The following FMO4 variants were observed in gnomAD, a reference collection of about 807,000 sequenced individuals.
The protein encoded by FMO4 is flavin containing dimethylaniline monoxygenase 4, also known as dimethylaniline monooxygenase [N-oxide-forming] 4.
FMO4 carries 38 observed loss-of-function variants against 43.3 expected under a neutral mutation model. The ratio of observed to expected loss-of-function variants is 0.88; its 90% CI spans 0.68 to 1.15. The LOEUF is 1.15. Among genes scored for constraint, FMO4 ranks in the 50% most tolerant of loss-of-function variants. FMO4 has a pLI of 0.00. For synonymous variants in FMO4, 224 were observed against 232.2 expected, an observed-to-expected ratio of 0.96 and a Z score of 0.32; for missense variants, 631 against 663.3, an observed-to-expected ratio of 0.95 and a Z score of 0.54.
intron 5 of FMO4, among the ~76,000 whole-genome samples, chr1:171,328,865 G>C (rs892313052): frequency 6.6e-6 from 1 of 151,958 alleles, no homozygotes; most frequent in Non-Finnish European, 1.5e-5. Context: ...ATCTCAGGCA[G>C]TTTTCTGCTT....
intron 5 of FMO4, among the ~76,000 whole-genome samples, chr1:171,328,375 G>A (rs1003610713): frequency 1.7e-4 from 26 of 152,084 alleles, no homozygotes; most frequent in African/African-American, 5.3e-4. Context: ...TATGGGTCGG[G>A]CGCGGTGGCT....
At chr1:171,335,748 G>T (rs1663091859) in intron 8 of FMO4, among the ~76,000 whole-genome samples, 2 of 152,102 alleles carry the variant, frequency 1.3e-5, no homozygotes, top group Admixed American at 6.5e-5. Context: ...TGAATGGGGG[G>T]AGGGGAAAGA....
intron 2 of FMO4, among the ~76,000 whole-genome samples, chr1:171,319,099 C>G (rs1045368301): frequency 6.6e-6 from 1 of 152,164 alleles, no homozygotes; most frequent in African/African-American, 2.4e-5. Context: ...TACCCAGGTC[C>G]TTGTCCAAAG....
At chr1:171,322,191 T>A (rs1021477867) in intron 3 of FMO4, among the ~76,000 whole-genome samples, 8 of 152,162 alleles carry the variant, frequency 5.3e-5, no homozygotes, top group Non-Finnish European at 1.0e-4. Flanking sequence ...GTTTTGTTTT[T>A]AAAATTAGAG....
chr1:171,324,657 C>T (rs1477394340), intron 5 of FMO4, among the ~76,000 whole-genome samples: 1 of 151,796 alleles, frequency 6.6e-6, no homozygotes, highest in Admixed American at 6.6e-5. Flanking sequence ...TGTAATAGAA[C>T]TTACAGGAAG....
intron 4 of FMO4, 131 bp from the exon 5 acceptor site, chr1:171,324,007 T>C (rs1170503058): frequency 4.0e-6 from 3 of 748,416 alleles, no homozygotes; most frequent in South Asian, 3.3e-5. Context: ...AGGAAGATGA[T>C]AAATCAATAT....
rs1386650524 is a variant in FMO4, at chr1:171,314,243, G to A, written c.-321G>A. On this transcript the variant is annotated 5_prime_UTR_variant, in exon 1 of 10. Transcript: ENST00000367749. ...CTGTCACTAGCATAACAGAAAAGAC[G>A]AATGGCTTTTGTTTTAAACTGAGGG... 6.6e-6 allele frequency: 1 copy of A among 151,880 alleles called. No homozygotes were observed. Among genetic ancestry groups the A allele is most frequent in the African/African-American group, 2.4e-5 (1 of 41,314 alleles). The allele number at this position is 151,880 out of a possible 1,614,324, so 9.4% of individuals were successfully genotyped here.
At chr1:171,335,456 C>A (rs1166154676) in intron 8 of FMO4, among the ~76,000 whole-genome samples, 1 of 152,144 alleles carries the variant, frequency 6.6e-6, no homozygotes, top group Non-Finnish European at 1.5e-5. Context: ...TGCTATCATA[C>A]CTCTCTAAAG....
rs373804650 is a variant in FMO4 at position 171,331,768 on chromosome 1, C to T, written c.613C>T (p.Arg205Ter). The T allele has an allele frequency of 4.5e-5, 72 of 1,613,606 alleles. 1 individual carries two copies. The highest frequency in any genetic ancestry group is 5.5e-5 in the Non-Finnish European group (65 of 1,179,760). Residue 205 changes from arginine to a stop codon, truncating the protein, a stop_gained, in exon 6 of 10, where the codon CGA becomes TGA. Transcript: ENST00000367749. LOFTEE classifies it high-confidence loss of function. ...TGGDIAVELS[R>*]TAAQVLLSTR... ...AGGAGACATTGCTGTGGAACTCAGT[C>T]GAACGGCAGCTCAGGTACATCATCT...
intron 9 of FMO4, 86 bp downstream of exon 9, chr1:171,337,511 G>A (rs777459297): frequency 3.3e-6 from 3 of 898,974 alleles, no homozygotes; most frequent in Non-Finnish European, 5.5e-6. Context: ...CATTCCTAGA[G>A]AAGCAGTATG....
At chr1:171,315,331 CA>C (rs1662155032) in intron 1 of FMO4, among the ~76,000 whole-genome samples, 1 of 152,058 alleles carries the variant, frequency 6.6e-6, no homozygotes. Context: ...TTTGAGCAAC[CA>C]AGTACCTTAT....
chr1:171,320,788 C>T (rs180750695), intron 3 of FMO4, among the ~76,000 whole-genome samples: 9 of 151,920 alleles, frequency 5.9e-5, no homozygotes, highest in East Asian at 1.9e-4. Flanking sequence ...CCAGCATGGG[C>T]GGCATAGTGA....
rs1389381072 is a variant in FMO4, at chr1:171,323,132, T to C, written c.261T>C (p.Phe87=). ...DYPNFMNHEK[F]WDYLQEFAEH... ...CTAATTTCATGAACCATGAAAAATT[T>C]TGGGACTATCTCCAAGAATTTGCTG... is the stretch of plus-strand genomic sequence containing the variant. Residue 87 remains phenylalanine, a synonymous_variant, in exon 4 of 10, where the codon TTT becomes TTC. Coordinates refer to ENST00000367749, the MANE Select transcript of FMO4 (RefSeq NM_002022.3). The C allele has an allele frequency of 1.2e-6, 2 of 1,613,774 alleles. No individual in the cohort carries two copies. The highest frequency in any genetic ancestry group is 1.1e-5 in the South Asian group (1 of 91,066).
chr1:171,332,831 T>C lies in FMO4; in HGVS notation c.750T>C (p.Arg250=), dbSNP rs759546142. The change falls in exon 7 of 10, where the codon CGT becomes CGC. Residue 250 remains arginine, a synonymous_variant. Transcript: ENST00000367749. ...TTATTGCACAAGTTCTGCCTTCACGTTTTCTAAACTGGATTCAAGAAAGGA... is the reference window on the plus strand; with the variant it reads ...TTATTGCACAAGTTCTGCCTTCACGCTTTCTAAACTGGATTCAAGAAAGGA... ...CSFIAQVLPS[R]FLNWIQERKL... 4 of 1,612,614 alleles carry C rather than the reference T, an allele frequency of 2.5e-6. No homozygotes were observed. In the South Asian group the frequency reaches 4.4e-5, roughly 18 times the overall value.
intron 9 of FMO4, 69 bp downstream of exon 9, chr1:171,337,494 T>A: frequency 9.4e-7 from 1 of 1,066,650 alleles, no homozygotes; most frequent in South Asian, 1.3e-5. Context: ...ATTCAGAGTA[T>A]AAAAGCCATT....
chr1:171,324,002 GA>G, intron 4 of FMO4, 135 bp from the exon 5 acceptor site: 1 of 710,094 alleles, frequency 1.4e-6, no homozygotes. Flanking sequence ...TCTCTAGGAA[GA>G]TGATAAATCA....
At chr1:171,330,672 G>A (rs1034339904) in intron 5 of FMO4, among the ~76,000 whole-genome samples, 3 of 152,156 alleles carry the variant, frequency 2.0e-5, no homozygotes, top group African/African-American at 4.8e-5. Context: ...CTGCCCCCAT[G>A]ATTCAGTTAC....
At chr1:171,315,443 T>G (rs1004380317) in intron 1 of FMO4, among the ~76,000 whole-genome samples, 12 of 152,100 alleles carry the variant, frequency 7.9e-5, no homozygotes, top group African/African-American at 2.9e-4. Context: ...TTTTTTTTTT[T>G]GTGCACCAAT....
intron 5 of FMO4, among the ~76,000 whole-genome samples, chr1:171,327,245 T>C (rs1433496780): frequency 6.6e-6 from 1 of 152,194 alleles, no homozygotes; most frequent in African/African-American, 2.4e-5. Flanking sequence ...ATTCTTAATT[T>C]AAGAAAATCC....
Sources: gnomAD v4.1 joint callset for allele counts (sites outside exome capture counted in the v4.1 genomes callset) on GRCh38, gnomAD v4.1.1 for gene constraint, MANE v1.5 for transcripts, NCBI Gene and HGNC (gene_info 2026-07-23, HGNC 2026-07-21) for gene names.